ROCK1: variants seen among roughly 807,000 people sequenced by gnomAD.
The protein encoded by ROCK1 is Rho associated coiled-coil containing protein kinase 1, also known as rho-associated protein kinase 1.
In ROCK1, 36 loss-of-function variants were observed where a neutral mutation model predicts 196.8. That is an observed-to-expected ratio of 0.18 (90% CI 0.14 to 0.24). The LOEUF (loss-of-function observed/expected upper bound fraction) is 0.24, where lower values mean the gene tolerates loss of function less well. Among genes scored for constraint, ROCK1 ranks in the 10% least tolerant of loss-of-function variants. The pLI is 1.00. For synonymous variants in ROCK1, 443 were observed against 515.9 expected (o/e 0.86, Z 1.91); for missense variants, 920 against 1,562.0 (o/e 0.59, Z 6.93).
At chr18:20,954,680 A>G in intron 31 of ROCK1, 103 bp downstream of exon 31, 1 of 1,172,880 alleles carries the variant, frequency 8.5e-7, no homozygotes, top group South Asian at 1.6e-5. Context: ...TACTTTCTAT[A>G]ATCTCTTTTC....
In ROCK1 at chr18:20,947,369, A is replaced by G; in HGVS notation, c.*4015T>C. 1 of 152,110 alleles carries G rather than the reference A, an allele frequency of 6.6e-6. No individual in the cohort carries two copies. Among genetic ancestry groups the G allele is most frequent in the Non-Finnish European group, 1.5e-5 (1 of 68,040 alleles). The allele number at this position is 152,110 out of a possible 1,614,324, so 9.4% of individuals were successfully genotyped here. ...TTCTACTAGAATATTCTTTGCATTTAATTTATTGCAATAAGCATAGATCTT... is the reference window on the plus strand; with the variant it reads ...TTCTACTAGAATATTCTTTGCATTTGATTTATTGCAATAAGCATAGATCTT... On this transcript the variant is annotated 3_prime_UTR_variant, in exon 33 of 33. Transcript: ENST00000399799.
chr18:21,105,658 T>C (rs2036697091), intron 1 of ROCK1, among the ~76,000 whole-genome samples: 2 of 152,094 alleles, frequency 1.3e-5, no homozygotes, highest in South Asian at 2.1e-4. Flanking sequence ...ACAGGGACAA[T>C]AGTGGAATTA....
chr18:21,080,166 G>A (rs916368736), intron 1 of ROCK1, among the ~76,000 whole-genome samples: 2 of 152,012 alleles, frequency 1.3e-5, no homozygotes, highest in African/African-American at 4.8e-5. Context: ...AAACCCTGGA[G>A]AATAGAGAAA....
chr18:21,091,737 G>A (rs8086381), intron 1 of ROCK1, among the ~76,000 whole-genome samples: 121,363 of 152,174 alleles, frequency 0.8, 52,243 homozygotes, highest in Non-Finnish European at 0.96. Context: ...TTGGGAGGCC[G>A]AGGCGAGTGG....
At position 21,096,466 on chromosome 18, in the gene ROCK1, G is replaced by T. The variant is rs558328017; in HGVS notation, c.93+14352C>A. Among the ~76,000 whole-genome samples, 18 of 152,302 alleles carry T rather than the reference G, an allele frequency of 1.2e-4. No individual in the cohort carries two copies. The East Asian group carries it at 2.9e-3, about 25-fold the overall frequency. ...TCTGCCTGCCTCAGCCTCCCAAAGT[G>T]CTGGGATTACAGGCGTGAGCCACCA... is the stretch of plus-strand genomic sequence containing the variant. On this transcript the variant is annotated intron_variant, in intron 1 of 32. Transcript: ENST00000399799.
At chr18:21,031,861 C>T (rs2036010938) in intron 9 of ROCK1, among the ~76,000 whole-genome samples, 2 of 151,926 alleles carry the variant, frequency 1.3e-5, no homozygotes. Flanking sequence ...AAGGCTTCAA[C>T]AGCAGATCTG....
At chr18:21,046,519 C>A (rs1490102115) in intron 4 of ROCK1, among the ~76,000 whole-genome samples, 1 of 152,132 alleles carries the variant, frequency 6.6e-6, no homozygotes, top group Non-Finnish European at 1.5e-5. Flanking sequence ...CAAATGACAG[C>A]AGTCAGGAGG....
chr18:21,006,900 A>G (rs1185738772), intron 14 of ROCK1, 110 bp from the exon 15 acceptor site: 3 of 713,736 alleles, frequency 4.2e-6, no homozygotes, highest in Admixed American at 7.0e-5. Flanking sequence ...AGTCAGCTAC[A>G]TTAGGTCCAC....
intron 22 of ROCK1, among the ~76,000 whole-genome samples, chr18:20,971,333 C>T (rs1464123613): frequency 8.4e-4 from 75 of 89,794 alleles, no homozygotes; most frequent in African/African-American, 2.4e-3. Flanking sequence ...CACACACACA[C>T]ACACACACAC....
chr18:21,110,204 C>G (rs1244749547), intron 1 of ROCK1, among the ~76,000 whole-genome samples: 1 of 152,138 alleles, frequency 6.6e-6, no homozygotes, highest in Admixed American at 6.5e-5. Context: ...ATGGTACGTA[C>G]TTTTGTAACC....
chr18:20,998,108 A>G (rs2035688971), intron 16 of ROCK1, among the ~76,000 whole-genome samples: 1 of 152,176 alleles, frequency 6.6e-6, no homozygotes, highest in African/African-American at 2.4e-5. Context: ...AAGTGCTGGG[A>G]TGACAGGCAT....
intron 5 of ROCK1, 163 bp downstream of exon 5, chr18:21,045,129 G>C: frequency 2.0e-6 from 1 of 512,018 alleles, no homozygotes; most frequent in Non-Finnish European, 3.2e-6. Flanking sequence ...CCAAAGCTCT[G>C]GGATTACAGG....
At chr18:21,024,420 T>C (rs2035939357) in intron 10 of ROCK1, among the ~76,000 whole-genome samples, 1 of 152,202 alleles carries the variant, frequency 6.6e-6, no homozygotes, top group Admixed American at 6.5e-5. Context: ...CCAAATATTA[T>C]ATAAAGGTAA....
rs2035160517 is a variant in ROCK1 at position 20,949,390 on chromosome 18, G to A, written c.*1994C>T. On this transcript the variant is annotated 3_prime_UTR_variant, in exon 33 of 33. Transcript: ENST00000399799. ...TCACAGCACAGCAAAAGCAGCATAA[G>A]TTTCACGTTCCATCAGTTCCCTTTG... 2 of 152,410 alleles carry A rather than the reference G, an allele frequency of 1.3e-5. No homozygotes were observed. Among genetic ancestry groups the A allele is most frequent in the African/African-American group, 4.8e-5 (2 of 41,472 alleles). 9.4% of individuals were successfully genotyped at this position (152,410 alleles called of 1,614,324 possible).
chr18:21,052,990 T>C (rs1273522785), intron 2 of ROCK1, among the ~76,000 whole-genome samples: 2 of 152,218 alleles, frequency 1.3e-5, no homozygotes, highest in African/African-American at 4.8e-5. Flanking sequence ...GGAGACTATA[T>C]ACACAGGCTA....
At chr18:20,985,568 C>T (rs1370684063) in intron 19 of ROCK1, among the ~76,000 whole-genome samples, 1 of 152,164 alleles carries the variant, frequency 6.6e-6, no homozygotes, top group Non-Finnish European at 1.5e-5. Flanking sequence ...CTTGTAGTTA[C>T]TATTTTAATA....
At chr18:20,981,349 G>A (rs1333662782) in intron 21 of ROCK1, among the ~76,000 whole-genome samples, 7 of 151,488 alleles carry the variant, frequency 4.6e-5, no homozygotes, top group South Asian at 2.1e-4. Flanking sequence ...AGCCAAGATC[G>A]TGCCACTTGC....
At chr18:21,048,604 C>G (rs1189881166) in intron 4 of ROCK1, among the ~76,000 whole-genome samples, 1 of 151,994 alleles carries the variant, frequency 6.6e-6, no homozygotes, top group African/African-American at 2.4e-5. Flanking sequence ...GGCTGGAGTG[C>G]AGTGATGTGA....
In ROCK1 at chr18:20,950,571, GAAAT is replaced by G. The variant is rs1419616064; in HGVS notation, c.*809_*812del. On this transcript the variant is annotated 3_prime_UTR_variant, in exon 33 of 33. Transcript: ENST00000399799. The stretch of plus-strand genomic sequence containing the variant: ...TGTCTTTATCATTTAAAACCACAAA[GAAAT>G]ACATTATACAATTATAGAAATGATG... The G allele has an allele frequency of 3.3e-5, 5 of 151,468 alleles. No individual in the cohort carries two copies. The highest frequency in any genetic ancestry group is 7.3e-5 in the African/African-American group (3 of 41,044). 9.4% of individuals were successfully genotyped at this position (151,468 alleles called of 1,614,324 possible).
Sources: allele counts gnomAD v4.1 joint callset (sites outside exome capture counted in the v4.1 genomes callset), GRCh38; gene constraint gnomAD v4.1.1; transcripts MANE v1.5; gene names NCBI Gene and HGNC (gene_info 2026-07-23, HGNC 2026-07-21).